DOCK4: variants seen among roughly 807,000 people sequenced by gnomAD.
The protein encoded by DOCK4 is dedicator of cytokinesis 4.
In DOCK4, 97 loss-of-function variants were observed where a neutral mutation model predicts 268.1. That is an observed-to-expected ratio of 0.36 (90% CI 0.31 to 0.43). The LOEUF (loss-of-function observed/expected upper bound fraction) is 0.43. Ranked by LOEUF, DOCK4 falls within the 20% of genes least tolerant of loss-of-function variation. The pLI, the probability that DOCK4 is intolerant of heterozygous loss-of-function variation, is 1.00. For missense variants in DOCK4, 2,145 were observed against 2,455.7 expected (o/e 0.87, Z 2.67); for synonymous variants, 954 against 887.2 (o/e 1.08, Z -1.34).
At chr7:112,179,381 TA>T (rs11300174) in intron 1 of DOCK4, among the ~76,000 whole-genome samples, 145,432 of 148,428 alleles carry the variant, frequency 0.98, 71,247 homozygotes, top group East Asian at 1. Context: ...GCCTGTACCT[TA>T]AAAAAAAAAA....
Position 111,872,556 on chromosome 7 carries a change from G to A in DOCK4, c.1753C>T (p.Leu585Phe). Reference protein sequence around the residue: ...STKLTQNGDMLDLLKWRTHPD... With the variant: ...STKLTQNGDMFDLLKWRTHPD... ...TGGGTTCTCCATTTCAAAAGATCAA[G>A]CATATCACCTTTCAAAATAGAAAAG... Residue 585 changes from leucine (L) to phenylalanine (F), a missense_variant, in exon 18 of 53, where the codon CTT becomes TTT. Leu to Phe is a conservative substitution (Grantham distance 22). Coordinates refer to ENST00000428084, the MANE Select transcript of DOCK4 (RefSeq NM_001363540.2). 1 of 1,591,706 alleles carries A rather than the reference G, an allele frequency of 6.3e-7. No individual in the cohort carries two copies. Among genetic ancestry groups the A allele is most frequent in the Non-Finnish European group, 8.6e-7 (1 of 1,168,422 alleles).
chr7:111,804,836 G>A (rs750206208), intron 30 of DOCK4, among the ~76,000 whole-genome samples: 10 of 152,118 alleles, frequency 6.6e-5, no homozygotes, highest in South Asian at 2.1e-4. Context: ...CTGACCTCAC[G>A]TGATCCACCC....
intron 6 of DOCK4, 29 bp downstream of exon 6, chr7:111,988,986 G>C: frequency 6.3e-7 from 1 of 1,588,068 alleles, no homozygotes; most frequent in Non-Finnish European, 8.6e-7. Flanking sequence ...TCACCTACTA[G>C]AGGCCGCCCT....
chr7:111,827,184 A>G (rs1802470763), intron 26 of DOCK4, among the ~76,000 whole-genome samples: 1 of 152,232 alleles, frequency 6.6e-6, no homozygotes. Flanking sequence ...GGTGTTAATA[A>G]TCATTATCAC....
At chr7:111,862,416 T>A (rs1288341483) in intron 23 of DOCK4, among the ~76,000 whole-genome samples, 1 of 151,506 alleles carries the variant, frequency 6.6e-6, no homozygotes, top group East Asian at 1.9e-4. Context: ...TAAAAAATTG[T>A]TTACTATATA....
chr7:112,024,248 C>G (rs1443300598), intron 1 of DOCK4, among the ~76,000 whole-genome samples: 1 of 152,204 alleles, frequency 6.6e-6, no homozygotes, highest in South Asian at 2.1e-4. Context: ...AGCCTCCTGG[C>G]TTTAAATATC....
intron 1 of DOCK4, among the ~76,000 whole-genome samples, chr7:112,007,150 C>T (rs1014599744): frequency 5.3e-5 from 8 of 152,158 alleles, no homozygotes; most frequent in African/African-American, 1.9e-4. Context: ...ACTCCCTCAT[C>T]TGTGTTCTCA....
chr7:112,150,698 C>G (rs576121444), intron 1 of DOCK4, among the ~76,000 whole-genome samples: 1 of 152,298 alleles, frequency 6.6e-6, no homozygotes, highest in South Asian at 2.1e-4. Context: ...AAGCCCTCCA[C>G]TCCAGCAGTC....
chr7:112,049,282 T>G (rs569451355), intron 1 of DOCK4, among the ~76,000 whole-genome samples: 1 of 152,220 alleles, frequency 6.6e-6, no homozygotes, highest in Admixed American at 6.5e-5. Context: ...TATATTATTG[T>G]AATCTTGTTA....
At chr7:112,067,302 C>T (rs920347323) in intron 1 of DOCK4, among the ~76,000 whole-genome samples, 1 of 150,538 alleles carries the variant, frequency 6.6e-6, no homozygotes, top group African/African-American at 2.4e-5. Flanking sequence ...TGCCATGATA[C>T]CAGACAAACC....
At chr7:112,040,519 C>T (rs1395946862) in intron 1 of DOCK4, among the ~76,000 whole-genome samples, 1 of 152,048 alleles carries the variant, frequency 6.6e-6, no homozygotes, top group Non-Finnish European at 1.5e-5. Flanking sequence ...TGAACCAGAA[C>T]AGACATTTCA....
chr7:111,998,528 C>T (rs762790748), intron 3 of DOCK4, 25 bp from the exon 4 acceptor site: 43 of 1,558,806 alleles, frequency 2.8e-5, no homozygotes, highest in South Asian at 8.4e-5. Context: ...ATGAAGGTTA[C>T]GATGCCGGCT....
chr7:112,089,839 G>A (rs1440204761), intron 1 of DOCK4, among the ~76,000 whole-genome samples: 1 of 152,148 alleles, frequency 6.6e-6, no homozygotes, highest in African/African-American at 2.4e-5. Flanking sequence ...TGTACAGCCT[G>A]CAGAATCATG....
chr7:112,164,716 T>C (rs957453855), intron 1 of DOCK4, among the ~76,000 whole-genome samples: 2 of 152,238 alleles, frequency 1.3e-5, no homozygotes, highest in Admixed American at 1.3e-4. Flanking sequence ...CCAGACATCA[T>C]GCTAAATGCA....
chr7:111,808,622 A>C (rs1371201601), intron 30 of DOCK4, 199 bp downstream of exon 30: 1 of 506,046 alleles, frequency 2.0e-6, no homozygotes. Context: ...AGGTAAGGTG[A>C]CTTTTCTTAG....
chr7:111,997,850 C>T (rs562009598), intron 4 of DOCK4, among the ~76,000 whole-genome samples: 18 of 152,162 alleles, frequency 1.2e-4, no homozygotes, highest in Non-Finnish European at 2.1e-4. Context: ...TCCTGCTGTA[C>T]CTTATTGGAA....
intron 8 of DOCK4, among the ~76,000 whole-genome samples, chr7:111,961,743 A>G (rs1001504350): frequency 2.0e-5 from 3 of 152,192 alleles, no homozygotes; most frequent in African/African-American, 7.2e-5. Flanking sequence ...CATTCCTCTT[A>G]AGTTTTGTCA....
intron 1 of DOCK4, among the ~76,000 whole-genome samples, chr7:112,195,360 T>C (rs1309294206): frequency 5.3e-5 from 8 of 152,240 alleles, no homozygotes; most frequent in Admixed American, 5.2e-4. Flanking sequence ...TCCTCAGATC[T>C]TAATGTTTTT....
At chr7:111,944,385 T>C (rs1795449446) in intron 10 of DOCK4, among the ~76,000 whole-genome samples, 1 of 152,196 alleles carries the variant, frequency 6.6e-6, no homozygotes, top group Non-Finnish European at 1.5e-5. Context: ...TAGCACCTTC[T>C]GGAATAACGC....
Sources: allele counts gnomAD v4.1 joint callset (sites outside exome capture counted in the v4.1 genomes callset), GRCh38; gene constraint gnomAD v4.1.1; transcripts MANE v1.5; gene names NCBI Gene and HGNC (gene_info 2026-07-23, HGNC 2026-07-21).